Variants in FNTB observed in about 807,000 individuals in gnomAD.
FNTB encodes farnesyltransferase, CAAX box, subunit beta, also known as protein farnesyltransferase subunit beta.
In FNTB, 27 loss-of-function variants were observed where a neutral mutation model predicts 59.4. That is an observed-to-expected ratio of 0.45 (90% CI 0.34 to 0.63). The LOEUF (loss-of-function observed/expected upper bound fraction) is 0.63, where lower values mean the gene tolerates loss of function less well. FNTB is among the 20% of genes least tolerant of loss of function. The probability of loss-of-function intolerance (pLI) is 0.02; values close to 1 mark genes in which losing one functional copy is unlikely to be tolerated. For missense variants in FNTB, 449 were observed against 559.6 expected (o/e 0.80, Z 1.99); for synonymous variants, 230 against 220.7 (o/e 1.04, Z -0.37).
chr14:65,034,590 A>G (rs2062150363), intron 7 of FNTB, among the ~76,000 whole-genome samples: 2 of 152,192 alleles, frequency 1.3e-5, no homozygotes, highest in South Asian at 2.1e-4. Context: ...GTCATGCTCA[A>G]TGGTAAGGCA....
At chr14:64,993,425 G>A (rs1888278210) in intron 1 of FNTB, among the ~76,000 whole-genome samples, 1 of 152,200 alleles carries the variant, frequency 6.6e-6, no homozygotes, top group Non-Finnish European at 1.5e-5. Context: ...AACTGAGGTT[G>A]TTTTAGGGTA....
Position 65,014,096 on chromosome 14 carries a change from C to T in FNTB, c.283-1529C>T, listed in dbSNP as rs922648376. 6.6e-6 allele frequency among the ~76,000 whole-genome samples: 1 copy of T among 152,152 alleles called. No homozygotes were observed. Among genetic ancestry groups the T allele is most frequent in the Non-Finnish European group, 1.5e-5 (1 of 68,038 alleles). ...ATAGTTTTGAAGAGAGCAGCTTGGG[C>T]CAACGGAAAGAACACTGGATTGACT... On this transcript the variant is annotated intron_variant, in intron 3 of 11. Transcript: ENST00000246166. The surrounding 1 kb of genome is among the most constrained non-coding windows in gnomAD (Gnocchi z 5.1).
In FNTB at chr14:65,028,397, A is replaced by AT. The variant is rs888001197; in HGVS notation, c.605+618dup. On this transcript the variant is annotated intron_variant, in intron 6 of 11. Coordinates refer to ENST00000246166, the MANE Select transcript of FNTB (RefSeq NM_002028.4). The surrounding 1 kb of genome is among the most constrained non-coding windows in gnomAD (Gnocchi z 4.4). ...TACTTATGAGGCATACAGGGAATTCATTGAATAAGCCATTTCTCTAAGACA... is the reference window on the plus strand; with the variant it reads ...TACTTATGAGGCATACAGGGAATTCATTTGAATAAGCCATTTCTCTAAGACA... 1.3e-5 allele frequency among the ~76,000 whole-genome samples: 2 copies of AT among 152,222 alleles called. No homozygotes were observed. Among genetic ancestry groups the AT allele is most frequent in the African/African-American group, 4.8e-5 (2 of 41,460 alleles).
intron 4 of FNTB, chr14:65,022,257 A>T: frequency 3.2e-6 from 1 of 310,770 alleles, no homozygotes. Context: ...GACTGTTCCT[A>T]TTTCCAAAGC....
At chr14:65,004,337 G>A in intron 2 of FNTB, 24 bp downstream of exon 2, 1 of 1,609,186 alleles carries the variant, frequency 6.2e-7, no homozygotes, top group Non-Finnish European at 8.5e-7. Flanking sequence ...AGGAGTTTGA[G>A]GGGATCTGGG....
At position 64,987,069 on chromosome 14, in the gene FNTB, C is replaced by G; in HGVS notation, c.116C>G (p.Ser39Trp). 6.2e-7 allele frequency: 1 copy of G among 1,614,232 alleles called. No individual in the cohort carries two copies. The highest frequency in any genetic ancestry group is 8.5e-7 in the Non-Finnish European group (1 of 1,180,040). Residue 39 changes from serine (S) to tryptophan (W), a missense_variant, in exon 1 of 12, where the codon TCG becomes TGG. By Grantham distance (177) the Ser-to-Trp change is radical (BLOSUM62 -3). This residue lies in a region of FNTB where 112 missense variants were observed against 80.5 expected (regional missense o/e 1.39). Coordinates refer to ENST00000246166, the MANE Select transcript of FNTB (RefSeq NM_002028.4). ...GCGCGAGAGCGGTTGCAGGACGACT[C>G]GGTGGAAACAGTCACGTCCATAGAA... Reference protein sequence around the residue: ...EHARERLQDDSVETVTSIEQA... With the variant: ...EHARERLQDDWVETVTSIEQA...
rs1888338676 is a variant in FNTB, at chr14:64,994,957, T to G, written c.144+7860T>G. Among the ~76,000 whole-genome samples the G allele has an allele frequency of 6.6e-6, 1 of 152,250 alleles. No homozygotes were observed. The highest frequency in any genetic ancestry group is 2.1e-4 in the South Asian group (1 of 4,838). On this transcript the variant is annotated intron_variant, in intron 1 of 11. Transcript: ENST00000246166. This position sits in a 1 kb window ranked among gnomAD's most constrained non-coding sequence, Gnocchi z 4.2. ...AAATTTTTTTACAGCTTTTTGACCC[T>G]TTTGTAATAACAGTTTAAAACACAA...
At chr14:64,992,093 A>G (rs1297487838) in intron 1 of FNTB, among the ~76,000 whole-genome samples, 2 of 152,088 alleles carry the variant, frequency 1.3e-5, no homozygotes, top group Non-Finnish European at 2.9e-5. Flanking sequence ...AAACTTCCCA[A>G]CTTTTTATGC....
chr14:65,045,019 T>A (rs908596117), intron 9 of FNTB, among the ~76,000 whole-genome samples: 2 of 152,054 alleles, frequency 1.3e-5, no homozygotes, highest in Non-Finnish European at 2.9e-5. Flanking sequence ...TAAATGGGAG[T>A]TTGTTCCACC....
rs73270827 is a variant in FNTB, at chr14:65,040,247, C to A, written c.693-543C>A. Among the ~76,000 whole-genome samples, 1,571 of 148,120 alleles carry A rather than the reference C, an allele frequency of 0.011. 37 individuals are homozygous for A. The East Asian group carries it at 0.11, about 11-fold the overall frequency. ...TTTTATTTTAACTTGATGGTTATCACTATATATATATGTATATATATGTAT... is the reference window on the plus strand; with the variant it reads ...TTTTATTTTAACTTGATGGTTATCAATATATATATATGTATATATATGTAT... On this transcript the variant is annotated intron_variant, in intron 7 of 11. Coordinates refer to ENST00000246166, the MANE Select transcript of FNTB (RefSeq NM_002028.4).
At chr14:65,004,404 G>A (rs1000310971) in intron 2 of FNTB, 91 bp downstream of exon 2, 6 of 1,336,096 alleles carry the variant, frequency 4.5e-6, no homozygotes, top group South Asian at 2.7e-5. Flanking sequence ...TCTAACCACG[G>A]GGAGCATCTG....
Position 64,994,823 on chromosome 14 carries a change from AAAAT to A in FNTB, c.144+7730_144+7733del, listed in dbSNP as rs963058015. Among the ~76,000 whole-genome samples, 6 of 152,302 alleles carry A rather than the reference AAAAT, an allele frequency of 3.9e-5. No homozygotes were observed. In the South Asian group the frequency reaches 6.2e-4, roughly 16 times the overall value. On this transcript the variant is annotated intron_variant, in intron 1 of 11. Coordinates refer to ENST00000246166, the MANE Select transcript of FNTB (RefSeq NM_002028.4). The surrounding 1 kb of genome is among the most constrained non-coding windows in gnomAD (Gnocchi z 4.2). ...TACTGAGCAGACATTATGAAAAATA[AAAAT>A]AAACACGGTATGCTTAAGCTACACT...
chr14:65,014,122 C>CT lies in FNTB; in HGVS notation c.283-1502dup, dbSNP rs112181515. ...CAACGGAAAGAACACTGGATTGACT[C>CT]TAAAAACCTAGGTTCTTGTCTCACC... On this transcript the variant is annotated intron_variant, in intron 3 of 11. Transcript: ENST00000246166. This position sits in a 1 kb window ranked among gnomAD's most constrained non-coding sequence, Gnocchi z 5.1. Among the ~76,000 whole-genome samples, 641 of 152,272 alleles carry CT rather than the reference C, an allele frequency of 4.2e-3. 17 individuals are homozygous for CT. The South Asian group carries it at 0.043, about 10-fold the overall frequency.
chr14:65,004,664 T>C (rs2061553611), intron 2 of FNTB, among the ~76,000 whole-genome samples: 1 of 152,042 alleles, frequency 6.6e-6, no homozygotes, highest in Non-Finnish European at 1.5e-5. Flanking sequence ...TTTTCTTTCT[T>C]TTTCTTTTTT....
chr14:65,060,066 C>T (rs903101498), intron 11 of FNTB, among the ~76,000 whole-genome samples: 3 of 151,584 alleles, frequency 2.0e-5, no homozygotes, highest in Non-Finnish European at 4.4e-5. Flanking sequence ...CTCCTGACCT[C>T]GGGTGATCCA....
At chr14:65,010,974 T>G (rs183543283) in intron 2 of FNTB, among the ~76,000 whole-genome samples, 3 of 152,312 alleles carry the variant, frequency 2.0e-5, no homozygotes, top group East Asian at 3.9e-4. Flanking sequence ...ACATTCCTCC[T>G]TTTTCACACA....
chr14:65,051,591 A>G (rs987285216), intron 9 of FNTB, among the ~76,000 whole-genome samples: 1 of 151,986 alleles, frequency 6.6e-6, no homozygotes, highest in South Asian at 2.1e-4. Flanking sequence ...AACCTGGGCA[A>G]CAGAGTGAGA....
At chr14:65,004,910 G>A (rs548161422) in intron 2 of FNTB, among the ~76,000 whole-genome samples, 9 of 152,128 alleles carry the variant, frequency 5.9e-5, no homozygotes, top group Non-Finnish European at 1.3e-4. Context: ...TGATCCACCC[G>A]CCTCAGCCTC....
chr14:64,995,957 T>C (rs919151198), intron 1 of FNTB, among the ~76,000 whole-genome samples: 13 of 150,178 alleles, frequency 8.7e-5, no homozygotes, highest in Non-Finnish European at 7.4e-5. Context: ...ACCCTATCTC[T>C]ACTAAAAATA....
Sources: allele counts gnomAD v4.1 joint callset (sites outside exome capture counted in the v4.1 genomes callset), GRCh38; gene constraint gnomAD v4.1.1; regional missense constraint gnomAD v4.1.1; non-coding constraint Gnocchi (gnomAD v3.1); transcripts MANE v1.5; gene names NCBI Gene and HGNC (gene_info 2026-07-23, HGNC 2026-07-21).